MAML3: variants seen among roughly 807,000 people sequenced by gnomAD.
The protein encoded by MAML3 is mastermind like transcriptional coactivator 3.
MAML3 carries 27 observed loss-of-function variants against 101.9 expected under a neutral mutation model. The observed-to-expected ratio is 0.27, with a 90% CI of 0.20 to 0.37. The LOEUF (loss-of-function observed/expected upper bound fraction) is 0.37, where lower values mean the gene tolerates loss of function less well. Ranked by LOEUF, MAML3 falls within the 10% of genes least tolerant of loss-of-function variation. The pLI is 1.00. For synonymous variants in MAML3, 501 were observed against 555.9 expected (o/e 0.90, Z 1.39); for missense variants, 1,316 against 1,444.9 (o/e 0.91, Z 1.45).
At chr4:140,136,555 T>C (rs1388998181) in intron 1 of MAML3, among the ~76,000 whole-genome samples, 1 of 152,192 alleles carries the variant, frequency 6.6e-6, no homozygotes, top group Non-Finnish European at 1.5e-5. Context: ...TTCTTATTAG[T>C]CCAGAAAATA....
intron 1 of MAML3, among the ~76,000 whole-genome samples, chr4:140,020,942 A>G (rs1726723315): frequency 1.3e-5 from 2 of 152,216 alleles, no homozygotes; most frequent in Admixed American, 6.5e-5. Flanking sequence ...CCATCCTCTG[A>G]TAGTTGCAAA....
intron 1 of MAML3, among the ~76,000 whole-genome samples, chr4:140,023,349 T>C (rs1726767576): frequency 6.6e-6 from 1 of 152,174 alleles, no homozygotes; most frequent in Admixed American, 6.5e-5. Context: ...TCCATGGCCA[T>C]CATCAATGCG....
chr4:139,963,064 C>G (rs1447508337), intron 1 of MAML3, among the ~76,000 whole-genome samples: 1 of 152,130 alleles, frequency 6.6e-6, no homozygotes, highest in Non-Finnish European at 1.5e-5. Context: ...GAAGAAAGAG[C>G]TCTTCAGATC....
chr4:139,777,735 C>T (rs915372986), intron 2 of MAML3, among the ~76,000 whole-genome samples: 5 of 152,222 alleles, frequency 3.3e-5, no homozygotes, highest in African/African-American at 9.6e-5. Flanking sequence ...TACTTGCCTG[C>T]TTAACACTAT....
At chr4:139,997,882 A>T (rs892507252) in intron 1 of MAML3, among the ~76,000 whole-genome samples, 5 of 151,842 alleles carry the variant, frequency 3.3e-5, no homozygotes, top group Non-Finnish European at 5.9e-5. Context: ...TCTTTTTTTT[A>T]AAAATGAGAA....
chr4:140,099,788 A>G (rs1347823467), intron 1 of MAML3, among the ~76,000 whole-genome samples: 1 of 152,098 alleles, frequency 6.6e-6, no homozygotes, highest in Non-Finnish European at 1.5e-5. Flanking sequence ...TTTCTTTTCC[A>G]TTCTATCACT....
intron 1 of MAML3, among the ~76,000 whole-genome samples, chr4:139,975,665 C>A (rs985415619): frequency 1.3e-5 from 2 of 152,086 alleles, no homozygotes; most frequent in Non-Finnish European, 2.9e-5. Flanking sequence ...CAGTGTCTGG[C>A]CTAGAATAGG....
intron 1 of MAML3, among the ~76,000 whole-genome samples, chr4:140,088,825 A>G (rs1727999324): frequency 6.6e-6 from 1 of 152,222 alleles, no homozygotes; most frequent in Non-Finnish European, 1.5e-5. Flanking sequence ...ACTATTTCAC[A>G]ATACCCAGTC....
intron 1 of MAML3, among the ~76,000 whole-genome samples, chr4:140,099,762 C>A (rs949907074): frequency 1.3e-5 from 2 of 152,220 alleles, no homozygotes; most frequent in Admixed American, 1.3e-4. Context: ...CCTTCCCCAA[C>A]ACACCTCTCA....
rs541926136 is a variant in MAML3 at position 139,847,415 on chromosome 4, T to C, written c.2079+41942A>G. 4.2e-4 allele frequency among the ~76,000 whole-genome samples: 64 copies of C among 152,266 alleles called. 1 individual carries two copies. The Middle Eastern group carries it at 0.01, about 24-fold the overall frequency. ...CACACGGAATCCCGCAGTGCTTGTT[T>C]TACACATGTTTCCATGCACACCTGA... On this transcript the variant is annotated intron_variant, in intron 2 of 4. Transcript: ENST00000509479.
At chr4:139,773,364 C>T (rs1730033051) in intron 2 of MAML3, among the ~76,000 whole-genome samples, 1 of 152,206 alleles carries the variant, frequency 6.6e-6, no homozygotes, top group Non-Finnish European at 1.5e-5. Flanking sequence ...ACTTAAATCT[C>T]TCGCAATGCT....
At chr4:140,135,170 C>T (rs1218358337) in intron 1 of MAML3, among the ~76,000 whole-genome samples, 1 of 152,214 alleles carries the variant, frequency 6.6e-6, no homozygotes, top group Non-Finnish European at 1.5e-5. Flanking sequence ...ATGCTGGCTT[C>T]ACACATTTAA....
chr4:140,056,363 T>TC (rs1227642385), intron 1 of MAML3, among the ~76,000 whole-genome samples: 2 of 151,588 alleles, frequency 1.3e-5, no homozygotes, highest in African/African-American at 4.8e-5. Flanking sequence ...TCTTTTCTTT[T>TC]TTTTTTTTTT....
intron 1 of MAML3, among the ~76,000 whole-genome samples, chr4:139,895,144 C>T (rs77727900): frequency 2.0e-3 from 304 of 152,308 alleles, no homozygotes; most frequent in African/African-American, 6.1e-3. Flanking sequence ...TCACCTCTTA[C>T]GGCTGAGTGA....
chr4:139,813,577 A>G (rs1276236581), intron 2 of MAML3, among the ~76,000 whole-genome samples: 4 of 152,190 alleles, frequency 2.6e-5, no homozygotes, highest in Admixed American at 6.5e-5. Context: ...AACAGAATAA[A>G]GCTATTTTCA....
chr4:139,835,107 T>C (rs1731234380), intron 2 of MAML3, among the ~76,000 whole-genome samples: 1 of 152,232 alleles, frequency 6.6e-6, no homozygotes, highest in Non-Finnish European at 1.5e-5. Flanking sequence ...TTGCATAGTG[T>C]TTTGGATTTA....
intron 2 of MAML3, among the ~76,000 whole-genome samples, chr4:139,737,268 A>ACACTCTAC (rs1292313728): frequency 6.6e-6 from 1 of 152,010 alleles, no homozygotes; most frequent in Non-Finnish European, 1.5e-5. Context: ...TCATTGCAAA[A>ACACTCTAC]CACTCTACTA....
intron 1 of MAML3, among the ~76,000 whole-genome samples, chr4:140,006,494 G>C (rs944113850): frequency 4.0e-5 from 6 of 149,010 alleles, no homozygotes; most frequent in Non-Finnish European, 8.9e-5. Flanking sequence ...GCTGAGGCAA[G>C]AGAATCACTG....
intron 2 of MAML3, among the ~76,000 whole-genome samples, chr4:139,842,293 G>A (rs980471931): frequency 2.0e-5 from 3 of 152,180 alleles, no homozygotes; most frequent in Admixed American, 1.3e-4. Flanking sequence ...TTATTCATGC[G>A]AACATACCTG....
Sources: gnomAD v4.1 joint callset for allele counts (sites outside exome capture counted in the v4.1 genomes callset) on GRCh38, gnomAD v4.1.1 for gene constraint, MANE v1.5 for transcripts, NCBI Gene and HGNC (gene_info 2026-07-23, HGNC 2026-07-21) for gene names.